The following PSD3 variants were observed in gnomAD, a reference collection of about 807,000 sequenced individuals.
PSD3 encodes the protein pleckstrin and Sec7 domain containing 3.
In PSD3, 49 loss-of-function variants were observed where a neutral mutation model predicts 105.5. The observed-to-expected ratio is 0.46, with a 90% CI of 0.37 to 0.59. The LOEUF (loss-of-function observed/expected upper bound fraction) is 0.59. Among genes scored for constraint, PSD3 ranks in the 20% least tolerant of loss-of-function variants. The pLI is 0.00. For missense variants in PSD3, 1,561 were observed against 1,263.8 expected (o/e 1.24, Z -3.57); for synonymous variants, 557 against 457.8 (o/e 1.22, Z -2.77).
At chr8:19,012,045 C>T (rs1322546844) in intron 1 of PSD3, among the ~76,000 whole-genome samples, 1 of 152,218 alleles carries the variant, frequency 6.6e-6, no homozygotes, top group Non-Finnish European at 1.5e-5. Flanking sequence ...TACCAGGAAA[C>T]TGTAGCGACA....
intron 12 of PSD3, among the ~76,000 whole-genome samples, chr8:18,578,316 A>G (rs1188095366): frequency 1.3e-5 from 2 of 152,064 alleles, no homozygotes; most frequent in African/African-American, 4.8e-5. Flanking sequence ...AAACTAATAA[A>G]CATAGTTGTG....
chr8:18,762,642 C>T lies in PSD3; in HGVS notation c.2172+2807G>A, dbSNP rs144316611. ...CTGTAGGGGAAAAAATGTCAAATAT[C>T]GGTTTAGGTTATTTGAGTAAACAAC... On this transcript the variant is annotated intron_variant, in intron 9 of 15. Transcript: ENST00000327040. Among the ~76,000 whole-genome samples the T allele has an allele frequency of 9.2e-5, 14 of 152,220 alleles. No individual in the cohort carries two copies. In the East Asian group the frequency reaches 1.5e-3, roughly 17 times the overall value.
intron 9 of PSD3, among the ~76,000 whole-genome samples, chr8:18,662,792 T>C (rs1585542153): frequency 6.6e-6 from 1 of 152,350 alleles, no homozygotes; most frequent in Non-Finnish European, 1.5e-5. Context: ...TAAATATTTT[T>C]TGCCATGGTT....
At chr8:18,663,106 A>G (rs11203977) in intron 9 of PSD3, among the ~76,000 whole-genome samples, 4,021 of 152,300 alleles carry the variant, frequency 0.026, 120 homozygotes, top group East Asian at 0.13. Context: ...GAATATGGCC[A>G]GCATCTCTGG....
intron 7 of PSD3, 137 bp from the exon 8 acceptor site, chr8:18,799,490 C>G (rs1810496135): frequency 4.6e-6 from 3 of 654,834 alleles, no homozygotes; most frequent in East Asian, 5.6e-5. Context: ...TTTTAAGAAA[C>G]AAAAAATGGA....
intron 14 of PSD3, among the ~76,000 whole-genome samples, chr8:18,571,020 T>G (rs1802102304): frequency 6.6e-6 from 1 of 152,102 alleles, no homozygotes; most frequent in South Asian, 2.1e-4. Flanking sequence ...CCACTGCGCC[T>G]GGCTAATTTT....
At chr8:18,541,291 C>G (rs569758916) in intron 15 of PSD3, among the ~76,000 whole-genome samples, 1 of 151,608 alleles carries the variant, frequency 6.6e-6, no homozygotes, top group African/African-American at 2.4e-5. Context: ...AAGGAATAAG[C>G]GCCACTGAGT....
chr8:18,639,261 GC>G (rs1182436029), intron 10 of PSD3, among the ~76,000 whole-genome samples: 1 of 150,222 alleles, frequency 6.7e-6, no homozygotes, highest in African/African-American at 2.5e-5. Flanking sequence ...TTTAAATGTG[GC>G]TTTTTTTTTT....
intron 9 of PSD3, among the ~76,000 whole-genome samples, chr8:18,671,540 G>A (rs1409401478): frequency 1.3e-5 from 2 of 152,012 alleles, no homozygotes; most frequent in Non-Finnish European, 2.9e-5. Context: ...AACTTCCAAG[G>A]TATTCCACAG....
intron 8 of PSD3, among the ~76,000 whole-genome samples, chr8:18,772,825 A>G (rs1225668892): frequency 6.6e-6 from 1 of 152,208 alleles, no homozygotes; most frequent in Non-Finnish European, 1.5e-5. Context: ...GAACATTTCT[A>G]GACCATCTTT....
intron 8 of PSD3, chr8:18,774,859 C>A: frequency 4.4e-6 from 2 of 456,056 alleles, no homozygotes; most frequent in Non-Finnish European, 8.8e-6. Context: ...GGTTGTCCAG[C>A]TGTCTTAGCA....
At chr8:18,906,885 A>G (rs1421113061) in intron 2 of PSD3, among the ~76,000 whole-genome samples, 1 of 152,210 alleles carries the variant, frequency 6.6e-6, no homozygotes, top group Non-Finnish European at 1.5e-5. Flanking sequence ...GCCTAGTGAC[A>G]TCGTGAAAAT....
intron 1 of PSD3, among the ~76,000 whole-genome samples, chr8:19,037,532 T>G (rs776057588): frequency 6.6e-6 from 1 of 152,228 alleles, no homozygotes; most frequent in African/African-American, 2.4e-5. Flanking sequence ...TGAGGGTGTT[T>G]CCAGAAGAGA....
intron 9 of PSD3, among the ~76,000 whole-genome samples, chr8:18,760,171 C>A (rs1806401884): frequency 6.6e-6 from 1 of 151,920 alleles, no homozygotes; most frequent in South Asian, 2.1e-4. Context: ...ATTTGTGGTG[C>A]ACAATGCAGT....
chr8:18,865,633 A>T (rs1231724258), intron 4 of PSD3, among the ~76,000 whole-genome samples: 1 of 152,104 alleles, frequency 6.6e-6, no homozygotes, highest in Non-Finnish European at 1.5e-5. Flanking sequence ...AGTGCTCAGC[A>T]CATGGTAGGA....
Position 18,632,654 on chromosome 8 carries a change from A to C in PSD3, c.2369T>G (p.Phe790Cys), listed in dbSNP as rs147119268. The change falls in exon 11 of 16, where the codon TTC becomes TGC. Residue 790 changes from phenylalanine (F) to cysteine (C), a missense_variant. Physicochemically the swap from Phe to Cys is radical, Grantham distance 205. Transcript: ENST00000327040. ...DPNAAVYKSGFLARKIHADMD... is the reference protein window; with the variant it reads ...DPNAAVYKSGCLARKIHADMD... ...ATCTGCATGAATTTTCCGAGCCAAGAATCCACTTTTGTACACAGCAGCATT... is the reference window on the plus strand; with the variant it reads ...ATCTGCATGAATTTTCCGAGCCAAGCATCCACTTTTGTACACAGCAGCATT... 9 of 1,612,396 alleles carry C rather than the reference A, an allele frequency of 5.6e-6. No homozygotes were observed. In the African/African-American group the frequency reaches 1.2e-4, roughly 22 times the overall value.
Position 18,913,090 on chromosome 8 carries a change from C to A in PSD3, c.130+22944G>T, listed in dbSNP as rs866931417. On this transcript the variant is annotated intron_variant, in intron 2 of 15. Transcript: ENST00000327040. Reference sequence around the variant, plus strand: ...ATAAACACACACACACACACAAACACACACACACACACACACACACACACA... The same window carrying A: ...ATAAACACACACACACACACAAACAAACACACACACACACACACACACACA... Among the ~76,000 whole-genome samples the A allele has an allele frequency of 2.0e-3, 230 of 115,836 alleles. 2 individuals carry two copies. Among genetic ancestry groups the A allele is most frequent in the African/African-American group, 6.5e-3 (215 of 33,304 alleles). The allele number at this position is 115,836 out of a possible 152,430, so 76.0% of individuals were successfully genotyped here.
At chr8:18,613,191 C>T (rs919253034) in intron 11 of PSD3, among the ~76,000 whole-genome samples, 7 of 152,054 alleles carry the variant, frequency 4.6e-5, no homozygotes, top group Admixed American at 2.0e-4. Flanking sequence ...GACGAAATGC[C>T]GCCTTCAAGC....
At chr8:18,916,091 C>T (rs1038904250) in intron 2 of PSD3, among the ~76,000 whole-genome samples, 1 of 150,884 alleles carries the variant, frequency 6.6e-6, no homozygotes, top group Non-Finnish European at 1.5e-5. Flanking sequence ...AGCGAAACTC[C>T]GACTCAAAAA....
Sources: allele counts gnomAD v4.1 joint callset (sites outside exome capture counted in the v4.1 genomes callset), GRCh38; gene constraint gnomAD v4.1.1; transcripts MANE v1.5; gene names NCBI Gene and HGNC (gene_info 2026-07-23, HGNC 2026-07-21).